ITGA9: variants seen among roughly 807,000 people sequenced by gnomAD.
ITGA9 encodes the protein integrin subunit alpha 9, also known as integrin alpha-9.
Under a neutral mutation model 127.8 loss-of-function variants are expected in ITGA9, and 56 were observed. The ratio of observed to expected loss-of-function variants is 0.44; its 90% confidence interval spans 0.35 to 0.55. The LOEUF is 0.55. Ranked by LOEUF, ITGA9 falls within the 20% of genes least tolerant of loss-of-function variation. The pLI is 0.00. For synonymous variants in ITGA9, 508 were observed against 514.5 expected, an observed-to-expected ratio of 0.99 and a Z score of 0.17; for missense variants, 1,196 against 1,347.1, an observed-to-expected ratio of 0.89 and a Z score of 1.76.
chr3:37,764,356 A>T (rs1241150449), intron 23 of ITGA9, among the ~76,000 whole-genome samples: 1 of 151,566 alleles, frequency 6.6e-6, no homozygotes. Flanking sequence ...CTCAGGAAGT[A>T]AGGACCTGGT....
At chr3:37,738,825 A>T (rs1696397681) in intron 20 of ITGA9, among the ~76,000 whole-genome samples, 1 of 152,234 alleles carries the variant, frequency 6.6e-6, no homozygotes, top group African/African-American at 2.4e-5. Flanking sequence ...CACCTAATTC[A>T]GGGCTAATCA....
intron 4 of ITGA9, 101 bp downstream of exon 4, chr3:37,481,708 C>G (rs1316501953): frequency 2.0e-6 from 3 of 1,470,066 alleles, no homozygotes; most frequent in Non-Finnish European, 2.8e-6. Context: ...CCCCAGCTTT[C>G]CACATGCTCA....
chr3:37,648,197 G>A (rs913425035), intron 16 of ITGA9, among the ~76,000 whole-genome samples: 1 of 151,932 alleles, frequency 6.6e-6, no homozygotes, highest in Middle Eastern at 3.2e-3. Flanking sequence ...TTTATCTCTT[G>A]TCGTTTTTAT....
At chr3:37,623,913 C>A (rs945457496) in intron 15 of ITGA9, among the ~76,000 whole-genome samples, 1 of 152,056 alleles carries the variant, frequency 6.6e-6, no homozygotes, top group African/African-American at 2.4e-5. Flanking sequence ...CTGAAGATTT[C>A]TCGTTTCTAG....
intron 10 of ITGA9, 46 bp downstream of exon 10, chr3:37,517,655 G>A (rs200197684): frequency 4.8e-5 from 66 of 1,373,618 alleles, no homozygotes; most frequent in Non-Finnish European, 6.1e-5. Context: ...GGTGCAGCAC[G>A]CTGCTCTGTT....
intron 7 of ITGA9, among the ~76,000 whole-genome samples, chr3:37,506,856 G>C (rs1698848714): frequency 1.3e-5 from 2 of 152,214 alleles, no homozygotes; most frequent in South Asian, 4.1e-4. Flanking sequence ...TGGACCTTTA[G>C]GGGTAGACCT....
In ITGA9 at chr3:37,741,388, G is replaced by A. The variant is rs575459587; in HGVS notation, c.2235-342G>A. ...TGACTCTGCCTCACAGAGTCCCCGC[G>A]AGACTGGGCCCTGGCTGCCGACAGC... On this transcript the variant is annotated intron_variant, in intron 20 of 27. Transcript: ENST00000264741. Among the ~76,000 whole-genome samples, 6 of 150,710 alleles carry A rather than the reference G, an allele frequency of 4.0e-5. No individual in the cohort carries two copies. In the South Asian group the frequency reaches 6.4e-4, roughly 16 times the overall value.
chr3:37,764,721 C>G (rs1008395607), intron 23 of ITGA9, among the ~76,000 whole-genome samples: 2 of 152,156 alleles, frequency 1.3e-5, no homozygotes, highest in South Asian at 4.1e-4. Context: ...TCTTCAAGAC[C>G]CAGTTCATAT....
At chr3:37,796,632 A>G (rs539663515) in intron 26 of ITGA9, among the ~76,000 whole-genome samples, 1 of 152,254 alleles carries the variant, frequency 6.6e-6, no homozygotes, top group East Asian at 1.9e-4. Flanking sequence ...AAGATATAAC[A>G]TTTGCAAATA....
At chr3:37,557,592 CAG>C (rs1351543601) in intron 15 of ITGA9, among the ~76,000 whole-genome samples, 7 of 151,932 alleles carry the variant, frequency 4.6e-5, no homozygotes, top group Non-Finnish European at 1.0e-4. Context: ...AAGAGGGTGA[CAG>C]AGAGTTGCTT....
intron 14 of ITGA9, among the ~76,000 whole-genome samples, chr3:37,541,331 A>G (rs1202102650): frequency 6.6e-6 from 1 of 152,162 alleles, no homozygotes; most frequent in African/African-American, 2.4e-5. Flanking sequence ...TAAAAATAAC[A>G]TATTTCCTTG....
At chr3:37,689,860 A>T (rs1019611497) in intron 18 of ITGA9, among the ~76,000 whole-genome samples, 16 of 152,188 alleles carry the variant, frequency 1.1e-4, no homozygotes, top group African/African-American at 2.9e-4. Flanking sequence ...GCAGTTGTTG[A>T]ATGCCTGCTA....
intron 15 of ITGA9, among the ~76,000 whole-genome samples, chr3:37,605,967 C>T (rs930592096): frequency 3.3e-5 from 5 of 151,974 alleles, no homozygotes; most frequent in South Asian, 2.1e-4. Flanking sequence ...TGACATGCTG[C>T]GAGTGTGAGG....
chr3:37,508,719 AC>A, intron 8 of ITGA9, 92 bp downstream of exon 8: 1 of 965,470 alleles, frequency 1.0e-6, no homozygotes, highest in South Asian at 1.3e-5. Context: ...TGAAGGCCCT[AC>A]CTGTGCCCTG....
At chr3:37,744,864 A>T (rs1696481930) in intron 22 of ITGA9, among the ~76,000 whole-genome samples, 1 of 152,264 alleles carries the variant, frequency 6.6e-6, no homozygotes. Context: ...GCGAGAAAGG[A>T]TATCCTGAAG....
At position 37,698,091 on chromosome 3, in the gene ITGA9, A is replaced by C. The variant is rs1280522660; in HGVS notation, c.2067+14076A>C. ...TGCATTTCTCTGATGGCCAGTGATG[A>C]TGAGCATTTTTTCATGTGTCTTTTG... On this transcript the variant is annotated intron_variant, in intron 18 of 27. Coordinates refer to ENST00000264741, the MANE Select transcript of ITGA9 (RefSeq NM_002207.3). 5.9e-5 allele frequency among the ~76,000 whole-genome samples: 9 copies of C among 152,126 alleles called. No homozygotes were observed. The South Asian group carries it at 6.2e-4, about 11-fold the overall frequency.
intron 20 of ITGA9, 67 bp from the exon 21 acceptor site, chr3:37,741,663 C>A: frequency 8.1e-7 from 1 of 1,237,744 alleles, no homozygotes; most frequent in Non-Finnish European, 1.2e-6. Context: ...TAAAGTGGAA[C>A]AGAGAAAGCC....
At chr3:37,472,776 C>T (rs1472645966) in intron 2 of ITGA9, among the ~76,000 whole-genome samples, 1 of 152,122 alleles carries the variant, frequency 6.6e-6, no homozygotes, top group Non-Finnish European at 1.5e-5. Context: ...CTGTTTGTTA[C>T]TGGTGCATAA....
intron 1 of ITGA9, among the ~76,000 whole-genome samples, chr3:37,459,066 CG>C (rs1306946919): frequency 6.6e-5 from 10 of 152,188 alleles, no homozygotes; most frequent in African/African-American, 2.2e-4. Flanking sequence ...TTTGAAACCA[CG>C]GGCTCACTTG....
Sources: gnomAD v4.1 joint callset for allele counts (sites outside exome capture counted in the v4.1 genomes callset) on GRCh38, gnomAD v4.1.1 for gene constraint, MANE v1.5 for transcripts, NCBI Gene and HGNC (gene_info 2026-07-23, HGNC 2026-07-21) for gene names.